Variants in BDP1 observed in about 807,000 individuals in gnomAD.
BDP1 encodes the protein BDP1 general transcription factor IIIB subunit.
Under a neutral mutation model 266.6 loss-of-function variants are expected in BDP1, and 169 were observed. That is an observed-to-expected ratio of 0.63 (90% CI 0.56 to 0.72). BDP1 has a LOEUF of 0.72. Among genes scored for constraint, BDP1 ranks in the 30% least tolerant of loss-of-function variants. The pLI, the probability that BDP1 is intolerant of heterozygous loss-of-function variation, is 0.00. For synonymous variants in BDP1, 1,090 were observed against 1,022.4 expected (o/e 1.07, Z -1.26); for missense variants, 3,015 against 3,053.8 (o/e 0.99, Z 0.30).
intron 35 of BDP1, 141 bp downstream of exon 35, chr5:71,553,461 G>A: frequency 1.7e-6 from 1 of 580,394 alleles, no homozygotes; most frequent in East Asian, 2.9e-5. Flanking sequence ...ATCATCATAA[G>A]TTATTCAAGT....
intron 26 of BDP1, among the ~76,000 whole-genome samples, chr5:71,537,149 CAAAAAAAA>C (rs70992979): frequency 2.4e-5 from 2 of 82,448 alleles, no homozygotes; most frequent in Non-Finnish European, 4.3e-5. Flanking sequence ...ACCAAAAAAC[CAAAAAAAA>C]AAAAAAAAAA....
Position 71,517,327 on chromosome 5 carries a change from T to A in BDP1, c.4866T>A (p.Asn1622Lys). Reference sequence around the variant, plus strand: ...ATATGATTTTGTCTTTTCAGTCAAATTCTCAAATTGAAACTGAAATTGAAG... The same window carrying A: ...ATATGATTTTGTCTTTTCAGTCAAAATCTCAAATTGAAACTGAAATTGAAG... The part of the protein sequence containing the change: ...ETEKKVLTVS[N>K]SQIETEIEVP... Residue 1622 changes from asparagine (N) to lysine (K), a missense_variant, in exon 22 of 39, where the codon AAT becomes AAA. This residue lies in a region of BDP1 where 2,383 missense variants were observed against 2,404.9 expected (regional missense o/e 0.99). Transcript: ENST00000358731. 9 of 1,597,624 alleles carry A rather than the reference T, an allele frequency of 5.6e-6. No individual in the cohort carries two copies. Among genetic ancestry groups the A allele is most frequent in the Non-Finnish European group, 7.7e-6 (9 of 1,175,268 alleles).
At chr5:71,562,238 G>T in intron 37 of BDP1, 36 bp from the exon 38 acceptor site, 1 of 1,343,918 alleles carries the variant, frequency 7.4e-7, no homozygotes, top group Non-Finnish European at 1.0e-6. Context: ...GTGTCTTCCT[G>T]GGTATTCTTG....
intron 28 of BDP1, among the ~76,000 whole-genome samples, 162 bp from the exon 29 acceptor site, chr5:71,541,292 A>G (rs1266189965): frequency 1.3e-5 from 2 of 152,230 alleles, no homozygotes; most frequent in African/African-American, 2.4e-5. Context: ...ACAGCCAACA[A>G]GGGCAAAATT....
At chr5:71,471,897 T>A (rs1762273726) in intron 7 of BDP1, among the ~76,000 whole-genome samples, 2 of 152,202 alleles carry the variant, frequency 1.3e-5, no homozygotes, top group South Asian at 4.1e-4. Flanking sequence ...TAAGGGGCAT[T>A]GTACAGTGTA....
chr5:71,490,946 T>C (rs1166999380), intron 10 of BDP1, 38 bp from the exon 11 acceptor site: 16 of 1,564,708 alleles, frequency 1.0e-5, no homozygotes, highest in Non-Finnish European at 1.3e-5. Flanking sequence ...ATGTTTTTGC[T>C]GTCATTTTTT....
In BDP1 at chr5:71,510,278, G is replaced by A. The variant is rs746243999; in HGVS notation, c.3186G>A (p.Thr1062=). ...EEVKPLGEME[T]DLKATGRDSF... is the part of the protein sequence containing the mutation. ...TCAAGCCTCTAGGTGAAATGGAGACGGATTTGAAAGCAACTGGAAGAGACA... is the reference window on the plus strand; with the variant it reads ...TCAAGCCTCTAGGTGAAATGGAGACAGATTTGAAAGCAACTGGAAGAGACA... The change falls in exon 17 of 39, where the codon ACG becomes ACA. Residue 1062 remains threonine (T), a synonymous_variant. Coordinates refer to ENST00000358731, the MANE Select transcript of BDP1 (RefSeq NM_018429.3). 6.4e-5 allele frequency: 102 copies of A among 1,598,854 alleles called. No homozygotes were observed. The highest frequency in any genetic ancestry group is 2.2e-4 in the South Asian group (20 of 90,186).
At chr5:71,525,444 A>C (rs1765763932) in intron 25 of BDP1, among the ~76,000 whole-genome samples, 1 of 106,770 alleles carries the variant, frequency 9.4e-6, no homozygotes. Context: ...CGGGGGGCTG[A>C]CACCCCCCAC....
intron 7 of BDP1, among the ~76,000 whole-genome samples, chr5:71,473,093 C>T (rs1481551299): frequency 6.6e-6 from 1 of 151,264 alleles, no homozygotes; most frequent in African/African-American, 2.4e-5. Flanking sequence ...CCATGTTGCT[C>T]AGGCTGGTCT....
At position 71,516,213 on chromosome 5, in the gene BDP1, T is replaced by G; in HGVS notation, c.4802T>G (p.Ile1601Ser). Residue 1601 changes from isoleucine (I) to serine (S), a missense_variant, in exon 21 of 39, where the codon ATT becomes AGT. Transcript: ENST00000358731. ...IVDKGEAKGI[I>S]KEGRTILPKD... ...GACAAAGGTGAAGCCAAAGGCATAATTAAGGAAGGAAGAACGATATTACCA... is the reference window on the plus strand; with the variant it reads ...GACAAAGGTGAAGCCAAAGGCATAAGTAAGGAAGGAAGAACGATATTACCA... 1.9e-6 allele frequency: 3 copies of G among 1,613,372 alleles called. No individual in the cohort carries two copies. Among genetic ancestry groups the G allele is most frequent in the Non-Finnish European group, 2.5e-6 (3 of 1,179,622 alleles).
intron 16 of BDP1, among the ~76,000 whole-genome samples, chr5:71,507,363 A>T (rs1016409610): frequency 2.0e-5 from 3 of 152,198 alleles, no homozygotes; most frequent in African/African-American, 7.2e-5. Context: ...ACTGCCCTTC[A>T]GTTAATTCTG....
chr5:71,464,860 G>A (rs1263118410), intron 4 of BDP1, among the ~76,000 whole-genome samples: 1 of 151,026 alleles, frequency 6.6e-6, no homozygotes, highest in Non-Finnish European at 1.5e-5. Context: ...CTGGGACTAC[G>A]GGTGTGCGCC....
chr5:71,560,866 A>G (rs1743598231), intron 37 of BDP1, among the ~76,000 whole-genome samples: 1 of 152,230 alleles, frequency 6.6e-6, no homozygotes, highest in Admixed American at 6.5e-5. Context: ...CTTAAAAGAC[A>G]TATTTAATAG....
intron 22 of BDP1, among the ~76,000 whole-genome samples, chr5:71,520,061 A>G (rs1325459305): frequency 6.6e-6 from 1 of 152,206 alleles, no homozygotes; most frequent in African/African-American, 2.4e-5. Context: ...CGTGATGATT[A>G]ATGATGTTGA....
intron 35 of BDP1, among the ~76,000 whole-genome samples, chr5:71,554,765 A>AC (rs1326117823): frequency 1.7e-5 from 2 of 119,816 alleles, no homozygotes; most frequent in Non-Finnish European, 3.9e-5. Context: ...GCATTTTAAC[A>AC]ATTTTTTAAA....
chr5:71,492,627 G>A (rs540728447), intron 11 of BDP1, among the ~76,000 whole-genome samples: 1 of 152,054 alleles, frequency 6.6e-6, no homozygotes, highest in Admixed American at 6.6e-5. Context: ...TATTTATATA[G>A]TTTGGATTTT....
chr5:71,525,780 C>T (rs1258132787), intron 25 of BDP1, among the ~76,000 whole-genome samples: 6 of 151,956 alleles, frequency 3.9e-5, no homozygotes, highest in Admixed American at 1.3e-4. Context: ...TGGGCAGAGA[C>T]GCTCCTCACT....
chr5:71,458,187 C>G lies in BDP1; in HGVS notation c.213-392C>G, dbSNP rs956951808. Among the ~76,000 whole-genome samples the G allele has an allele frequency of 9.9e-5, 15 of 152,104 alleles. 1 individual carries two copies. The highest frequency in any genetic ancestry group is 3.6e-4 in the African/African-American group (15 of 41,510). ...GGTAGTTTAGACCAGTTTAAAATGT[C>G]AGAGTGAATTAAAATTTTTTTAAAT... is the stretch of plus-strand genomic sequence containing the variant. On this transcript the variant is annotated intron_variant, in intron 1 of 38. Coordinates refer to ENST00000358731, the MANE Select transcript of BDP1 (RefSeq NM_018429.3).
At chr5:71,461,956 C>CAA in intron 3 of BDP1, 30 bp downstream of exon 3, 19 of 725,292 alleles carry the variant, frequency 2.6e-5, no homozygotes, top group Non-Finnish European at 4.1e-5. Context: ...GCTTTACTAT[C>CAA]TCTTTTTTTT....
Sources: gnomAD v4.1 joint callset for allele counts (sites outside exome capture counted in the v4.1 genomes callset) on GRCh38, gnomAD v4.1.1 for gene constraint, gnomAD v4.1.1 regional missense constraint, MANE v1.5 for transcripts, NCBI Gene and HGNC (gene_info 2026-07-23, HGNC 2026-07-21) for gene names.